ATP6V1E2: variants seen among roughly 807,000 people sequenced by gnomAD.
ATP6V1E2 encodes V-type proton ATPase subunit E 2.
For missense variants in ATP6V1E2, 308 were observed against 273.3 expected, an observed-to-expected ratio of 1.13 and a Z score of -0.90; for synonymous variants, 121 against 104.2, an observed-to-expected ratio of 1.16 and a Z score of -0.98.
In ATP6V1E2 at chr2:46,538,974, C is replaced by A. The variant is rs545425613; in HGVS notation, c.-309-2271G>T. Reference sequence around the variant, plus strand: ...ACAGAGTGAGACTCTGTCTCAAAAACACACACAAAAAAAAATTCAGGAAAG... The same window carrying A: ...ACAGAGTGAGACTCTGTCTCAAAAAAACACACAAAAAAAAATTCAGGAAAG... On this transcript the variant is annotated intron_variant, in intron 2 of 4. Transcript: ENST00000522587. 2.0e-3 allele frequency among the ~76,000 whole-genome samples: 300 copies of A among 152,090 alleles called. 2 individuals carry two copies. The highest frequency in any genetic ancestry group is 6.7e-3 in the African/African-American group (277 of 41,500).
At position 46,512,463 on chromosome 2, in the gene ATP6V1E2, G is replaced by C; in HGVS notation, c.249C>G (p.Val83=). Residue 83 remains valine, a synonymous_variant, in exon 5 of 5, where the codon GTC becomes GTG. Transcript: ENST00000522587. ...STMRNQARLK[V]LRARNDLISD... is the part of the protein sequence containing the mutation. The stretch of plus-strand genomic sequence containing the variant: ...AGATGAGGTCATTTCGGGCTCTCAG[G>C]ACTTTCAGCCTCGCCTGATTCCTCA... The C allele has an allele frequency of 6.2e-7, 1 of 1,614,162 alleles. No individual in the cohort carries two copies. The highest frequency in any genetic ancestry group is 8.5e-7 in the Non-Finnish European group (1 of 1,180,030).
chr2:46,539,986 T>A (rs1667647807), intron 2 of ATP6V1E2, among the ~76,000 whole-genome samples: 1 of 152,210 alleles, frequency 6.6e-6, no homozygotes, highest in African/African-American at 2.4e-5. Flanking sequence ...TGACTGTGGC[T>A]TTCCAGCTCT....
At chr2:46,540,418 C>CAGAGCA (rs1667672947) in intron 2 of ATP6V1E2, among the ~76,000 whole-genome samples, 1 of 121,610 alleles carries the variant, frequency 8.2e-6, no homozygotes, top group Non-Finnish European at 1.6e-5. Flanking sequence ...GACAGAGAGA[C>CAGAGCA]AGAGCAAGAC....
chr2:46,535,042 T>C lies in ATP6V1E2; in HGVS notation c.-102+771A>G, dbSNP rs1667376963. ...TTGAAAAGTCTGCTCAACTATCTCCTCAACTCAGCAAGACCACTATGCTCT... is the reference window on the plus strand; with the variant it reads ...TTGAAAAGTCTGCTCAACTATCTCCCCAACTCAGCAAGACCACTATGCTCT... On this transcript the variant is annotated intron_variant, in intron 4 of 4. Coordinates refer to ENST00000522587, the MANE Select transcript of ATP6V1E2 (RefSeq NM_001318063.2). The surrounding 1 kb of genome is among the most constrained non-coding windows in gnomAD (Gnocchi z 4.4). The C allele has an allele frequency of 6.6e-6, 1 of 152,178 alleles. No homozygotes were observed. The highest frequency in any genetic ancestry group is 2.4e-5 in the African/African-American group (1 of 41,436). 9.4% of individuals were successfully genotyped at this position (152,178 alleles called of 1,614,324 possible).
intron 4 of ATP6V1E2, among the ~76,000 whole-genome samples, chr2:46,520,507 G>A (rs940852340): frequency 2.6e-5 from 4 of 152,230 alleles, no homozygotes; most frequent in Non-Finnish European, 1.5e-5. Context: ...CTTCACGACT[G>A]GGGCCTCCCC....
chr2:46,524,667 G>A (rs1369032202), intron 4 of ATP6V1E2, among the ~76,000 whole-genome samples: 2 of 152,186 alleles, frequency 1.3e-5, no homozygotes, highest in Non-Finnish European at 2.9e-5. Flanking sequence ...CAGTCAGGGA[G>A]GGAGTAGTAA....
chr2:46,515,821 G>A (rs1687687390), intron 4 of ATP6V1E2, among the ~76,000 whole-genome samples: 3 of 152,230 alleles, frequency 2.0e-5, no homozygotes, highest in Admixed American at 1.3e-4. Context: ...CACAGGCTGA[G>A]GGTGAAAGGA....
chr2:46,529,350 C>T (rs1394253547), intron 4 of ATP6V1E2, among the ~76,000 whole-genome samples: 3 of 152,350 alleles, frequency 2.0e-5, no homozygotes, highest in East Asian at 1.9e-4. Context: ...AGTGCTGTCC[C>T]TCACCATGCC....
Position 46,512,006 on chromosome 2 carries a change from AAC to A in ATP6V1E2, c.*23_*24del, listed in dbSNP as rs1687477865. Reference sequence around the variant, plus strand: ...TTAAACTTTTATGGTTTAGTGGTTCAACACTAGCTTCACTTCCCAGAGGCTTA... The same window carrying A: ...TTAAACTTTTATGGTTTAGTGGTTCAACTAGCTTCACTTCCCAGAGGCTTA... On this transcript the variant is annotated 3_prime_UTR_variant, in exon 5 of 5. Coordinates refer to ENST00000522587, the MANE Select transcript of ATP6V1E2 (RefSeq NM_001318063.2). The A allele has an allele frequency of 1.3e-6, 2 of 1,537,592 alleles. No homozygotes were observed. The highest frequency in any genetic ancestry group is 2.2e-5 in the Admixed American group (1 of 46,418).
In ATP6V1E2 at chr2:46,512,220, C is replaced by A. The variant is rs762796194; in HGVS notation, c.492G>T (p.Glu164Asp). Residue 164 changes from glutamate to aspartate, a missense_variant, in exon 5 of 5, where the codon GAG (glutamate) becomes GAT (aspartate). By Grantham distance (45) the Glu-to-Asp change is conservative. Coordinates refer to ENST00000522587, the MANE Select transcript of ATP6V1E2 (RefSeq NM_001318063.2). ...GGTATGCCTCTTTATCAATCTGGAC[C>A]TCCACATGTTTCTGGGAAATTGTCA... is the stretch of plus-strand genomic sequence containing the variant. ...EYMTISQKHV[E>D]VQIDKEAYLA... 5.6e-6 allele frequency: 9 copies of A among 1,614,106 alleles called. No individual in the cohort carries two copies. The East Asian group carries it at 1.6e-4, about 28-fold the overall frequency.
intron 3 of ATP6V1E2, among the ~76,000 whole-genome samples, 176 bp downstream of exon 3, chr2:46,536,435 A>T (rs534839066): frequency 6.6e-6 from 1 of 152,298 alleles, no homozygotes; most frequent in Admixed American, 6.5e-5. Context: ...CAGGGAGAAA[A>T]ATAGGGATAG....
chr2:46,532,665 T>G (rs1478914310), intron 4 of ATP6V1E2, among the ~76,000 whole-genome samples: 1 of 152,178 alleles, frequency 6.6e-6, no homozygotes, highest in African/African-American at 2.4e-5. Context: ...CCCTTTTCCC[T>G]TCTACCATGT....
intron 4 of ATP6V1E2, among the ~76,000 whole-genome samples, chr2:46,531,402 T>C (rs748689929): frequency 2.6e-5 from 4 of 152,236 alleles, no homozygotes; most frequent in Non-Finnish European, 5.9e-5. Context: ...ACTGTATCCA[T>C]ATACCACAAT....
intron 2 of ATP6V1E2, among the ~76,000 whole-genome samples, chr2:46,537,969 A>C (rs369008121): frequency 6.6e-6 from 1 of 152,114 alleles, no homozygotes; most frequent in African/African-American, 2.4e-5. Context: ...AACAGAGGAC[A>C]TTAAAAAGAA....
intron 4 of ATP6V1E2, among the ~76,000 whole-genome samples, chr2:46,518,758 TTGTGTGTG>T (rs70940621): frequency 0.02 from 2,748 of 140,604 alleles, 31 homozygotes; most frequent in Admixed American, 0.027. Flanking sequence ...CAAGTCAATT[TTGTGTGTG>T]TGTGTGTGTG....
chr2:46,518,698 A>G (rs1238748322), intron 4 of ATP6V1E2, among the ~76,000 whole-genome samples: 1 of 151,820 alleles, frequency 6.6e-6, no homozygotes, highest in African/African-American at 2.4e-5. Flanking sequence ...TTTTAAAAAA[A>G]ACCTGCATTT....
chr2:46,529,309 C>T (rs1667070070), intron 4 of ATP6V1E2, among the ~76,000 whole-genome samples: 1 of 152,202 alleles, frequency 6.6e-6, no homozygotes, highest in Admixed American at 6.5e-5. Context: ...AGGGAAGGTA[C>T]TGGTTTGCAA....
chr2:46,512,095 T>C lies in ATP6V1E2; in HGVS notation c.617A>G (p.Gln206Arg). 2.5e-6 allele frequency: 4 copies of C among 1,613,898 alleles called. No homozygotes were observed. Among genetic ancestry groups the C allele is most frequent in the Non-Finnish European group, 3.4e-6 (4 of 1,179,900 alleles). Reference protein sequence around the residue: ...LESRLDLSAKQKMPEIRMALF... With the variant: ...LESRLDLSAKRKMPEIRMALF... The stretch of plus-strand genomic sequence containing the variant: ...GGCCATTCGTATTTCTGGCATCTTT[T>C]GCTTGGCTGAGAGATCCAGTCGGCT... Residue 206 changes from glutamine (Q) to arginine (R), a missense_variant, in exon 5 of 5, where the codon CAA becomes CGA. Gln to Arg is a conservative substitution (Grantham distance 43). Coordinates refer to ENST00000522587, the MANE Select transcript of ATP6V1E2 (RefSeq NM_001318063.2).
Position 46,524,751 on chromosome 2 carries a change from G to T in ATP6V1E2, c.-102+11062C>A, listed in dbSNP as rs576467331. On this transcript the variant is annotated intron_variant, in intron 4 of 4. Transcript: ENST00000522587. ...GACACTGGATGGGGAGAACACTGCG[G>T]GCAAAGGCCTGCTGGTGGAAAGGGG... 1.4e-3 allele frequency among the ~76,000 whole-genome samples: 219 copies of T among 152,304 alleles called. 1 individual carries two copies. The highest frequency in any genetic ancestry group is 0.014 in the South Asian group (68 of 4,828).
Sources: allele counts gnomAD v4.1 joint callset (sites outside exome capture counted in the v4.1 genomes callset), GRCh38; gene constraint gnomAD v4.1.1; non-coding constraint Gnocchi (gnomAD v3.1); transcripts MANE v1.5; gene names NCBI Gene and HGNC (gene_info 2026-07-23, HGNC 2026-07-21).